Variants in LMNTD1 observed in about 807,000 individuals in gnomAD.
LMNTD1 encodes the protein lamin tail domain-containing protein 1.
LMNTD1 carries 35 observed loss-of-function variants against 50.9 expected under a neutral mutation model. That is an observed-to-expected ratio of 0.69 (90% CI 0.53 to 0.91). The LOEUF is 0.91. LMNTD1 is among the 40% of genes least tolerant of loss of function. LMNTD1 has a pLI of 0.00. For synonymous variants in LMNTD1, 153 were observed against 161.9 expected, an observed-to-expected ratio of 0.94 and a Z score of 0.42; for missense variants, 470 against 475.5, an observed-to-expected ratio of 0.99 and a Z score of 0.11.
At chr12:25,586,136 G>A (rs1945517656) in intron 1 of LMNTD1, 1 of 152,070 alleles carries the variant, frequency 6.6e-6, no homozygotes, top group Non-Finnish European at 1.5e-5. Flanking sequence ...AGTGTCAAAG[G>A]CAAGTAGATT....
At chr12:25,610,259 T>C (rs1946211646) in intron 1 of LMNTD1, among the ~76,000 whole-genome samples, 1 of 152,164 alleles carries the variant, frequency 6.6e-6, no homozygotes, top group Non-Finnish European at 1.5e-5. Context: ...TTCCCTTGGC[T>C]AGGAAAGGGA....
chr12:25,503,392 G>A (rs1376151390), intron 9 of LMNTD1, among the ~76,000 whole-genome samples: 1 of 152,164 alleles, frequency 6.6e-6, no homozygotes. Flanking sequence ...TTGCTCATAG[G>A]AATTAAAATG....
intron 1 of LMNTD1, among the ~76,000 whole-genome samples, chr12:25,591,385 TGTG>T (rs971459275): frequency 6.6e-6 from 1 of 152,182 alleles, no homozygotes; most frequent in Non-Finnish European, 1.5e-5. Flanking sequence ...CATGTGGGCC[TGTG>T]GTGGTGGTGG....
intron 1 of LMNTD1, among the ~76,000 whole-genome samples, chr12:25,609,104 T>A (rs1187895507): frequency 6.6e-6 from 1 of 152,248 alleles, no homozygotes; most frequent in African/African-American, 2.4e-5. Flanking sequence ...TTCTTCCACT[T>A]GATTGAATCG....
At chr12:25,510,029 A>G (rs1403297480) in intron 8 of LMNTD1, among the ~76,000 whole-genome samples, 1 of 152,232 alleles carries the variant, frequency 6.6e-6, no homozygotes, top group Admixed American at 6.5e-5. Context: ...GAAACTATAC[A>G]GTTGTCATGT....
At chr12:25,493,650 G>A (rs1055763701) in intron 9 of LMNTD1, among the ~76,000 whole-genome samples, 17 of 152,176 alleles carry the variant, frequency 1.1e-4, no homozygotes, top group African/African-American at 2.4e-4. Flanking sequence ...AGACATTCCC[G>A]TTCCCAATGC....
intron 4 of LMNTD1, among the ~76,000 whole-genome samples, chr12:25,543,144 C>A (rs2619482): frequency 0.78 from 118,238 of 151,812 alleles, 46,716 homozygotes; most frequent in East Asian, 0.9. Context: ...ACTTTACCAC[C>A]AAGAAATTCC....
chr12:25,566,123 A>T (rs1190129962), intron 1 of LMNTD1, among the ~76,000 whole-genome samples: 1 of 152,000 alleles, frequency 6.6e-6, no homozygotes, highest in Non-Finnish European at 1.5e-5. Context: ...ATACTTGCAT[A>T]TTGCTATCTT....
At chr12:25,557,553 G>C (rs1324964210), upstream of LMNTD1, among the ~76,000 whole-genome samples, 6 of 152,106 alleles carry the variant, frequency 3.9e-5, no homozygotes. Context: ...ACTCTTTAGA[G>C]GAATATAGCA....
chr12:25,504,161 A>G, intron 8 of LMNTD1, among the ~76,000 whole-genome samples: 1 of 152,242 alleles, frequency 6.6e-6, no homozygotes. Context: ...GGTTTGCAGA[A>G]TAATTTTACC....
chr12:25,525,906 C>T (rs1039691571), intron 6 of LMNTD1, among the ~76,000 whole-genome samples, 193 bp downstream of exon 6: 4 of 151,782 alleles, frequency 2.6e-5, no homozygotes, highest in Non-Finnish European at 4.4e-5. Flanking sequence ...TCCCCCAAAA[C>T]GACTGAAATT....
At chr12:25,510,352 A>T (rs1409428194) in intron 8 of LMNTD1, among the ~76,000 whole-genome samples, 1 of 151,920 alleles carries the variant, frequency 6.6e-6, no homozygotes, top group East Asian at 1.9e-4. Flanking sequence ...TGAGGCTATC[A>T]TTCCATTATC....
At chr12:25,552,651 C>G (rs1370583536) in intron 2 of LMNTD1, among the ~76,000 whole-genome samples, 2 of 147,458 alleles carry the variant, frequency 1.4e-5, no homozygotes, top group Admixed American at 6.9e-5. Context: ...GGAGATCTGT[C>G]CAGGTGGATT....
At chr12:25,554,844 A>G (rs1301305561), upstream of LMNTD1, among the ~76,000 whole-genome samples, 1 of 152,154 alleles carries the variant, frequency 6.6e-6, no homozygotes. Context: ...GGAGTGAATT[A>G]CTTGAGGTCA....
At chr12:25,606,668 C>G (rs1365945682) in intron 1 of LMNTD1, among the ~76,000 whole-genome samples, 1 of 152,182 alleles carries the variant, frequency 6.6e-6, no homozygotes, top group Non-Finnish European at 1.5e-5. Flanking sequence ...AGCCTTGCAT[C>G]CCAGGAATGA....
At chr12:25,530,561 C>T (rs1942150574) in intron 4 of LMNTD1, among the ~76,000 whole-genome samples, 1 of 152,138 alleles carries the variant, frequency 6.6e-6, no homozygotes, top group Non-Finnish European at 1.5e-5. Context: ...GTCAAACAGC[C>T]AGTTTCTGAA....
intron 8 of LMNTD1, among the ~76,000 whole-genome samples, chr12:25,516,694 C>T (rs1423011783): frequency 1.3e-5 from 2 of 151,926 alleles, no homozygotes; most frequent in Admixed American, 1.3e-4. Flanking sequence ...CTACATGGTA[C>T]ACAATTTTAT....
In LMNTD1 at chr12:25,518,778, G is replaced by A. The variant is rs776133968; in HGVS notation, c.1189+17C>T. The A allele has an allele frequency of 6.2e-7, 1 of 1,612,286 alleles. No homozygotes were observed. Among genetic ancestry groups the A allele is most frequent in the Non-Finnish European group, 8.5e-7 (1 of 1,178,700 alleles). On this transcript the variant is annotated intron_variant, in intron 8 of 9. Coordinates refer to ENST00000458174, the MANE Select transcript of LMNTD1 (RefSeq NM_001145728.2). The stretch of plus-strand genomic sequence containing the variant: ...ACACACGCACTCTCCACTGGAACAA[G>A]CACTCTTTTAACTGACCTGAGGCTC...
chr12:25,519,222 ACTGCTAAAGACTTGGGGATAC>A (rs1213217423), intron 7 of LMNTD1, among the ~76,000 whole-genome samples: 2 of 152,182 alleles, frequency 1.3e-5, no homozygotes, highest in Non-Finnish European at 2.9e-5. Flanking sequence ...CCACCTAAGC[ACTGCTAAAGACTTGGGGATAC>A]CTCACCTTTT....
Sources: gnomAD v4.1 joint callset for allele counts (sites outside exome capture counted in the v4.1 genomes callset) on GRCh38, gnomAD v4.1.1 for gene constraint, MANE v1.5 for transcripts, NCBI Gene and HGNC (gene_info 2026-07-23, HGNC 2026-07-21) for gene names.